Variants in DLG1 observed in about 807,000 individuals in gnomAD.
DLG1 encodes the protein discs large MAGUK scaffold protein 1.
Under a neutral mutation model 123.4 loss-of-function variants are expected in DLG1, and 42 were observed. The observed-to-expected ratio is 0.34, with a 90% CI of 0.27 to 0.44. The LOEUF is 0.44. Ranked by LOEUF, DLG1 falls within the 20% of genes least tolerant of loss-of-function variation. DLG1 has a pLI of 1.00. For missense variants in DLG1, 942 were observed against 1,082.6 expected (o/e 0.87, Z 1.82); for synonymous variants, 317 against 356.2 (o/e 0.89, Z 1.24).
chr3:197,260,772 A>G (rs1759023009), intron 4 of DLG1, among the ~76,000 whole-genome samples: 1 of 149,650 alleles, frequency 6.7e-6, no homozygotes, highest in Non-Finnish European at 1.5e-5. Flanking sequence ...AAAAAAAAAA[A>G]AAAAAAAAAA....
intron 12 of DLG1, among the ~76,000 whole-genome samples, chr3:197,118,815 AGAATATCAAG>A (rs1389608475): frequency 1.3e-5 from 2 of 152,218 alleles, no homozygotes; most frequent in Non-Finnish European, 2.9e-5. Context: ...TTTGTGTGTC[AGAATATCAAG>A]GATATATAGC....
chr3:197,096,035 T>C (rs1380180543), intron 14 of DLG1, among the ~76,000 whole-genome samples: 2 of 152,188 alleles, frequency 1.3e-5, no homozygotes, highest in Non-Finnish European at 2.9e-5. Flanking sequence ...TGGGAAATAA[T>C]ATTTGCAAGG....
At chr3:197,291,073 G>C (rs936392591) in intron 3 of DLG1, among the ~76,000 whole-genome samples, 3 of 152,050 alleles carry the variant, frequency 2.0e-5, no homozygotes, top group African/African-American at 7.2e-5. Flanking sequence ...GAAATATTTA[G>C]ATGCCTTTAC....
intron 4 of DLG1, among the ~76,000 whole-genome samples, chr3:197,195,829 C>CA (rs11438040): frequency 0.74 from 111,552 of 151,642 alleles, 41,118 homozygotes; most frequent in East Asian, 0.82. Flanking sequence ...CTCAGTGACA[C>CA]CAATTTACCC....
intron 16 of DLG1, among the ~76,000 whole-genome samples, chr3:197,083,880 G>C (rs760291032): frequency 1.3e-5 from 2 of 152,144 alleles, no homozygotes; most frequent in African/African-American, 4.8e-5. Context: ...TAGCTGAGGT[G>C]GGGGGATAGC....
At chr3:197,285,431 G>C (rs1338497339) in intron 3 of DLG1, among the ~76,000 whole-genome samples, 1 of 151,968 alleles carries the variant, frequency 6.6e-6, no homozygotes, top group Non-Finnish European at 1.5e-5. Flanking sequence ...TCTAATCTAT[G>C]AGAAGATAAT....
rs1400440291 is a variant in DLG1, at chr3:197,043,961, G to C, written c.*662C>G. ...TGTAAGACACGATAGTGTTGCTCAA[G>C]TAGATTAAAAACATTGAAACGTTGT... is the stretch of plus-strand genomic sequence containing the variant. On this transcript the variant is annotated 3_prime_UTR_variant, in exon 25 of 25. Coordinates refer to ENST00000667157, the MANE Select transcript of DLG1 (RefSeq NM_001366207.1). 6.6e-6 allele frequency: 1 copy of C among 152,096 alleles called. No individual in the cohort carries two copies. Among genetic ancestry groups the C allele is most frequent in the Non-Finnish European group, 1.5e-5 (1 of 67,998 alleles). The allele number at this position is 152,096 out of a possible 1,614,324, so 9.4% of individuals were successfully genotyped here. A position where few individuals can be genotyped will look rare whatever the true frequency, so the allele number is the denominator to read the frequency against.
intron 5 of DLG1, among the ~76,000 whole-genome samples, chr3:197,178,585 T>C (rs1273011681): frequency 6.6e-6 from 1 of 152,172 alleles, no homozygotes; most frequent in Non-Finnish European, 1.5e-5. Flanking sequence ...CTAGATGCGA[T>C]CACCTGAAAT....
intron 4 of DLG1, among the ~76,000 whole-genome samples, chr3:197,236,730 C>T (rs749123469): frequency 2.6e-5 from 4 of 152,156 alleles, no homozygotes; most frequent in Admixed American, 6.5e-5. Context: ...TACCAAGTAA[C>T]GGAGGTGGTA....
At chr3:197,180,939 A>G (rs954434807) in intron 5 of DLG1, among the ~76,000 whole-genome samples, 1 of 152,224 alleles carries the variant, frequency 6.6e-6, no homozygotes, top group African/African-American at 2.4e-5. Context: ...AACACCAACT[A>G]CATGCCAAAC....
rs1766993380 is a variant in DLG1 at position 197,107,233 on chromosome 3, C to T, written c.1444-2228G>A. Among the ~76,000 whole-genome samples the T allele has an allele frequency of 2.0e-5, 3 of 152,106 alleles. No homozygotes were observed. In the South Asian group the frequency reaches 6.2e-4, roughly 31 times the overall value. Reference sequence around the variant, plus strand: ...ATATTTAGTGGCGCTAAATAATGCGCCACTAAAATCCATTAAAAATGGATA... The same window carrying T: ...ATATTTAGTGGCGCTAAATAATGCGTCACTAAAATCCATTAAAAATGGATA... On this transcript the variant is annotated intron_variant, in intron 13 of 24. Transcript: ENST00000667157.
chr3:197,084,517 G>A (rs140266654), intron 16 of DLG1, among the ~76,000 whole-genome samples: 7,643 of 151,728 alleles, frequency 0.05, 219 homozygotes, highest in South Asian at 0.073. Context: ...TCACCATACT[G>A]GCCAGGCTGG....
intron 11 of DLG1, among the ~76,000 whole-genome samples, chr3:197,124,566 G>A (rs1778064713): frequency 6.6e-6 from 1 of 151,876 alleles, no homozygotes; most frequent in Admixed American, 6.6e-5. Context: ...GAGCCACCGT[G>A]CCTGGTCTCT....
At position 197,226,535 on chromosome 3, in the gene DLG1, T is replaced by C. The variant is rs142807248; in HGVS notation, c.319-31946A>G. On this transcript the variant is annotated intron_variant, in intron 4 of 24. Transcript: ENST00000667157. ...TGTAGTCTGATTTAAAATATAGTTT[T>C]AATGGTAAAAAGAGTACCTCAATTA... 3.5e-3 allele frequency among the ~76,000 whole-genome samples: 539 copies of C among 152,312 alleles called. 3 individuals carry two copies. Among genetic ancestry groups the C allele is most frequent in the African/African-American group, 0.011 (471 of 41,568 alleles).
At chr3:197,291,330 C>T (rs1560183680) in intron 3 of DLG1, among the ~76,000 whole-genome samples, 1 of 151,514 alleles carries the variant, frequency 6.6e-6, no homozygotes, top group African/African-American at 2.4e-5. Flanking sequence ...CACACACACA[C>T]ACACACACAC....
chr3:197,079,255 T>C (rs1483960266), intron 17 of DLG1, among the ~76,000 whole-genome samples: 3 of 152,212 alleles, frequency 2.0e-5, no homozygotes, highest in East Asian at 1.9e-4. Context: ...AATATCTAAA[T>C]ACATAATTTC....
chr3:197,059,882 C>T lies in DLG1; in HGVS notation c.2483+7G>A. 1.9e-6 allele frequency: 3 copies of T among 1,594,470 alleles called. No homozygotes were observed. Among genetic ancestry groups the T allele is most frequent in the Non-Finnish European group, 2.6e-6 (3 of 1,162,604 alleles). ...ACAGAGGCTATGCCTTAGGCATTTA[C>T]ACTTACATGATATTTTCCATGGATT... On this transcript the variant is annotated splice_region_variant and intron_variant, in intron 23 of 24. Transcript: ENST00000667157.
chr3:197,158,485 T>C (rs1577240891), intron 5 of DLG1, among the ~76,000 whole-genome samples: 1 of 112,930 alleles, frequency 8.9e-6, no homozygotes, highest in African/African-American at 3.3e-5. Context: ...AAAAAAAAAA[T>C]TAGCCGGGCG....
intron 5 of DLG1, among the ~76,000 whole-genome samples, chr3:197,154,684 A>G (rs1238898537): frequency 6.6e-6 from 1 of 152,208 alleles, no homozygotes; most frequent in Middle Eastern, 3.2e-3. Context: ...CAAGAAAAAA[A>G]AAAGAATTAA....
Sources: gnomAD v4.1 joint callset for allele counts (sites outside exome capture counted in the v4.1 genomes callset) on GRCh38, gnomAD v4.1.1 for gene constraint, MANE v1.5 for transcripts, NCBI Gene and HGNC (gene_info 2026-07-23, HGNC 2026-07-21) for gene names.